SALL4: variants seen among roughly 807,000 people sequenced by gnomAD.
SALL4 encodes the protein sal-like protein 4.
A neutral mutation model predicts 60.8 loss-of-function variants in SALL4; 4 were observed. The observed-to-expected ratio is 0.07, with a 90% CI of 0.03 to 0.15. SALL4 has a LOEUF of 0.15. SALL4 is among the 10% of genes least tolerant of loss of function. SALL4 has a pLI of 1.00. For missense variants in SALL4, 1,178 were observed against 1,394.7 expected (o/e 0.84, Z 2.48); for synonymous variants, 580 against 574.9 (o/e 1.01, Z -0.13).
rs1012642167 is a variant in SALL4 at position 51,782,935 on chromosome 20, A to G, written c.*1330T>C. On this transcript the variant is annotated 3_prime_UTR_variant, in exon 4 of 4. Transcript: ENST00000217086. The stretch of plus-strand genomic sequence containing the variant: ...AATAAAAAATAAATGAGGTAGATAA[A>G]TTAAAGCTTTCACACCCAGGACGTG... The G allele has an allele frequency of 3.3e-5, 5 of 152,230 alleles. No individual in the cohort carries two copies. Among genetic ancestry groups the G allele is most frequent in the African/African-American group, 1.2e-4 (5 of 41,466 alleles). 9.4% of individuals were successfully genotyped at this position (152,230 alleles called of 1,614,324 possible). A position where few individuals can be genotyped will look rare whatever the true frequency, so the allele number is the denominator to read the frequency against.
At chr20:51,792,377 G>A (rs770413688) in intron 1 of SALL4, 25 bp from the exon 2 acceptor site, 2 of 1,599,748 alleles carry the variant, frequency 1.3e-6, no homozygotes, top group South Asian at 2.2e-5. Flanking sequence ...AAAAAGCTAA[G>A]GACTCTGCCC....
In SALL4 at chr20:51,791,707, G is replaced by A; in HGVS notation, c.776C>T (p.Thr259Ile). Residue 259 changes from threonine to isoleucine, a missense_variant, in exon 2 of 4, where the codon ACC becomes ATC. Thr to Ile is a moderately conservative substitution (Grantham distance 89). Transcript: ENST00000217086. The surrounding 1 kb of genome is among the most constrained non-coding windows in gnomAD (Gnocchi z 4.6). ...CTGCTGAGACATGTGGCTGCCCAAG[G>A]TCTTCAGAGTGTCGGCCCCTGCCCC... Reference protein sequence around the residue: ...SSGAGADTLKTLGSHMSQQVS... With the variant: ...SSGAGADTLKILGSHMSQQVS... 6.2e-7 allele frequency: 1 copy of A among 1,614,210 alleles called. No individual in the cohort carries two copies. The highest frequency in any genetic ancestry group is 8.5e-7 in the Non-Finnish European group (1 of 1,180,050).
chr20:51,791,154 G>A lies in SALL4; in HGVS notation c.1329C>T (p.Ala443=), dbSNP rs750150336. The change falls in exon 2 of 4, where the codon GCC becomes GCT. Residue 443 remains alanine (A), a synonymous_variant. Transcript: ENST00000217086. This position sits in a 1 kb window ranked among gnomAD's most constrained non-coding sequence, Gnocchi z 4.6. ...CGGCCGCCACTTTGTCCTGGAACTC[G>A]GCAAACAGCTGGGGGTTTGCCTTCA... ...PQVKANPQLF[A]EFQDKVAAGN... 50 of 1,614,096 alleles carry A rather than the reference G, an allele frequency of 3.1e-5. No individual in the cohort carries two copies. The highest frequency in any genetic ancestry group is 6.7e-5 in the African/African-American group (5 of 75,012).
chr20:51,790,603 G>A lies in SALL4; in HGVS notation c.1880C>T (p.Ser627Leu), dbSNP rs746614693. The change falls in exon 2 of 4, where the codon TCG (serine) becomes TTG (leucine). Residue 627 changes from serine (S) to leucine (L), a missense_variant. Around this residue, in one of 5 missense-constraint regions of SALL4, gnomAD observed 853 missense variants for 1,036.8 expected, o/e 0.82. Transcript: ENST00000217086. This position sits in a 1 kb window ranked among gnomAD's most constrained non-coding sequence, Gnocchi z 5.5. Reference protein sequence around the residue: ...RTNTSIKTQHSCPICQKKFTN... With the variant: ...RTNTSIKTQHLCPICQKKFTN... Reference sequence around the variant, plus strand: ...GAACTTCTTCTGGCAGATGGGGCACGAATGCTGCGTCTTAATGGATGTGTT... The same window carrying A: ...GAACTTCTTCTGGCAGATGGGGCACAAATGCTGCGTCTTAATGGATGTGTT... 1.9e-6 allele frequency: 3 copies of A among 1,614,138 alleles called. No homozygotes were observed. Among genetic ancestry groups the A allele is most frequent in the Admixed American group, 1.7e-5 (1 of 60,012 alleles).
In SALL4 at chr20:51,784,535, C is replaced by T. The variant is rs1355283088; in HGVS notation, c.2892G>A (p.Val964=). The change falls in exon 4 of 4, where the codon GTG becomes GTA. Residue 964 remains valine, a synonymous_variant. Transcript: ENST00000217086. ...TGTACTGGTTCCACACAACAGGGTC[C>T]ACATTCACTGAAGGGGCCAGGATTT... ...PKEILAPSVN[V]DPVVWNQYTS... 6.2e-7 allele frequency: 1 copy of T among 1,614,042 alleles called. No individual in the cohort carries two copies. The highest frequency in any genetic ancestry group is 1.3e-5 in the African/African-American group (1 of 74,922).
rs148435082 is a variant in SALL4 at position 51,790,986 on chromosome 20, C to A, written c.1497G>T (p.Thr499=). ...GCAGGTCACCGGGCAAGGAGCCACC[C>A]GTGAGGTCCTTGGGATTAGTCCCCG... ...LSSGTNPKDL[T]GGSLPGDLQP... The change falls in exon 2 of 4, where the codon ACG becomes ACT. Residue 499 remains threonine, a synonymous_variant. Transcript: ENST00000217086. The surrounding 1 kb of genome is among the most constrained non-coding windows in gnomAD (Gnocchi z 5.5). The A allele has an allele frequency of 1.8e-4, 298 of 1,614,174 alleles. No homozygotes were observed. In the African/African-American group the frequency reaches 3.5e-3, roughly 19 times the overall value.
At chr20:51,797,469 C>T (rs1000447884) in intron 1 of SALL4, 2 of 152,096 alleles carry the variant, frequency 1.3e-5, no homozygotes, top group Non-Finnish European at 2.9e-5. Context: ...CTTCTGTAGC[C>T]TCCACCAGCA....
chr20:51,788,936 C>T lies in SALL4; in HGVS notation c.2667G>A (p.Glu889=). The part of the protein sequence containing the change: ...FSSASALQIH[E]RTHTGEKPFV... ...AAGGCTTCTCTCCAGTGTGAGTCCG[C>T]TCGTGGATCTGAAGAGCGCTAGCAG... Residue 889 remains glutamate (E), a synonymous_variant, in exon 3 of 4, where the codon GAG becomes GAA. Transcript: ENST00000217086. The surrounding 1 kb of genome is among the most constrained non-coding windows in gnomAD (Gnocchi z 4.1). 6.2e-7 allele frequency: 1 copy of T among 1,614,230 alleles called. No homozygotes were observed. The highest frequency in any genetic ancestry group is 8.5e-7 in the Non-Finnish European group (1 of 1,180,046).
chr20:51,791,195 G>A lies in SALL4; in HGVS notation c.1288C>T (p.His430Tyr). ...TTKGNLKVHFHRHPQVKANPQ... is the reference protein window; with the variant it reads ...TTKGNLKVHFYRHPQVKANPQ... ...TTTGCCTTCACCTGGGGATGTCGGTGAAAGTGCACCTTGAGGTTGCCCTTG... is the reference window on the plus strand; with the variant it reads ...TTTGCCTTCACCTGGGGATGTCGGTAAAAGTGCACCTTGAGGTTGCCCTTG... Residue 430 changes from histidine (H) to tyrosine (Y), a missense_variant, in exon 2 of 4, where the codon CAC becomes TAC. His to Tyr is a moderately conservative substitution (Grantham distance 83). This residue lies in a region of SALL4 where 853 missense variants were observed against 1,036.8 expected (regional missense o/e 0.82). Transcript: ENST00000217086. This position sits in a 1 kb window ranked among gnomAD's most constrained non-coding sequence, Gnocchi z 4.6. 2 of 1,614,158 alleles carry A rather than the reference G, an allele frequency of 1.2e-6. No individual in the cohort carries two copies. Among genetic ancestry groups the A allele is most frequent in the African/African-American group, 1.3e-5 (1 of 75,046 alleles).
chr20:51,793,431 A>G (rs1436765102), intron 1 of SALL4, among the ~76,000 whole-genome samples: 1 of 152,100 alleles, frequency 6.6e-6, no homozygotes, highest in Non-Finnish European at 1.5e-5. Flanking sequence ...AAGCCACTCC[A>G]GCCTGGGTGA....
At chr20:51,795,356 G>A (rs1165615027) in intron 1 of SALL4, among the ~76,000 whole-genome samples, 4 of 152,128 alleles carry the variant, frequency 2.6e-5, no homozygotes, top group African/African-American at 4.8e-5. Flanking sequence ...GCAGTGAGCC[G>A]AGACAGTGCC....
rs748265055 is a variant in SALL4 at position 51,791,093 on chromosome 20, G to A, written c.1390C>T (p.Pro464Ser). The A allele has an allele frequency of 6.2e-7, 1 of 1,614,158 alleles. No individual in the cohort carries two copies. Among genetic ancestry groups the A allele is most frequent in the Non-Finnish European group, 8.5e-7 (1 of 1,180,020 alleles). The change falls in exon 2 of 4, where the codon CCC (proline) becomes TCC (serine). Residue 464 changes from proline (P) to serine (S), a missense_variant. By Grantham distance (74) the Pro-to-Ser change is moderately conservative. Transcript: ENST00000217086. The surrounding 1 kb of genome is among the most constrained non-coding windows in gnomAD (Gnocchi z 4.6). ...GIPYALSVPD[P>S]IDEPSLSLDS... ...AAAGAAAGACTCGGTTCATCTATGGGGTCAGGTACAGAGAGTGCATAGGGG... is the reference window on the plus strand; with the variant it reads ...AAAGAAAGACTCGGTTCATCTATGGAGTCAGGTACAGAGAGTGCATAGGGG...
At chr20:51,797,335 A>G (rs1020682110) in intron 1 of SALL4, 3 of 152,140 alleles carry the variant, frequency 2.0e-5, no homozygotes, top group Non-Finnish European at 4.4e-5. Context: ...TTTATACACT[A>G]TGTTGAGAAG....
chr20:51,802,489 C>A lies in SALL4; in HGVS notation c.-81G>T, dbSNP rs1426953109. 5 of 1,599,656 alleles carry A rather than the reference C, an allele frequency of 3.1e-6. No individual in the cohort carries two copies. The highest frequency in any genetic ancestry group is 2.2e-5 in the South Asian group (2 of 89,436). On this transcript the variant is annotated 5_prime_UTR_variant, in exon 1 of 4. Coordinates refer to ENST00000217086, the MANE Select transcript of SALL4 (RefSeq NM_020436.5). ...ATTCCTGGAGTTGGGAAATTTACCC[C>A]CCTTCGGCCGGAACGCGCATGTCCC...
At chr20:51,787,499 T>A (rs1232645615) in intron 3 of SALL4, among the ~76,000 whole-genome samples, 1 of 152,178 alleles carries the variant, frequency 6.6e-6, no homozygotes, top group Non-Finnish European at 1.5e-5. Flanking sequence ...TGTATCTGGC[T>A]GGGAAAGCTA....
chr20:51,783,789 A>C lies in SALL4; in HGVS notation c.*476T>G. 1 of 171,128 alleles carries C rather than the reference A, an allele frequency of 5.8e-6. No homozygotes were observed. The highest frequency in any genetic ancestry group is 5.5e-5 in the Admixed American group (1 of 18,144). 10.6% of individuals were successfully genotyped at this position (171,128 alleles called of 1,614,324 possible). A position where few individuals can be genotyped will look rare whatever the true frequency, so the allele number is the denominator to read the frequency against. ...TGTAATCCCAGCACTTTGGGAGGCCAAGGCGGGTGGATCACGAGGTCAGCA... is the reference window on the plus strand; with the variant it reads ...TGTAATCCCAGCACTTTGGGAGGCCCAGGCGGGTGGATCACGAGGTCAGCA... On this transcript the variant is annotated 3_prime_UTR_variant, in exon 4 of 4. Coordinates refer to ENST00000217086, the MANE Select transcript of SALL4 (RefSeq NM_020436.5).
At chr20:51,784,726 T>C (rs2077980268) in intron 3 of SALL4, 42 bp from the exon 4 acceptor site, 1 of 1,611,034 alleles carries the variant, frequency 6.2e-7, no homozygotes, top group African/African-American at 1.3e-5. Flanking sequence ...AAATAGAGAT[T>C]TGAAGCTCAC....
At chr20:51,796,196 C>CAAAAAAAAAAA (rs11474910) in intron 1 of SALL4, among the ~76,000 whole-genome samples, 3 of 90,570 alleles carry the variant, frequency 3.3e-5, no homozygotes, top group Non-Finnish European at 6.4e-5. Flanking sequence ...AAGACTGTCT[C>CAAAAAAAAAAA]AAAAAAAAAA....
chr20:51,787,583 T>C (rs529705673), intron 3 of SALL4, among the ~76,000 whole-genome samples: 2 of 152,318 alleles, frequency 1.3e-5, no homozygotes, highest in South Asian at 4.1e-4. Context: ...AGAAGGGACC[T>C]TACTAGCACC....
Sources: gnomAD v4.1 joint callset for allele counts (sites outside exome capture counted in the v4.1 genomes callset) on GRCh38, gnomAD v4.1.1 for gene constraint, gnomAD v4.1.1 regional missense constraint, Gnocchi (gnomAD v3.1) non-coding constraint, MANE v1.5 for transcripts, NCBI Gene and HGNC (gene_info 2026-07-23, HGNC 2026-07-21) for gene names.